SRRM3: variants seen among roughly 807,000 people sequenced by gnomAD.
SRRM3 encodes the protein serine/arginine repetitive matrix 3.
Under a neutral mutation model 66.2 loss-of-function variants are expected in SRRM3, and 27 were observed. That is an observed-to-expected ratio of 0.41 (90% confidence interval 0.30 to 0.56). The LOEUF (loss-of-function observed/expected upper bound fraction) is 0.56. SRRM3 is among the 20% of genes least tolerant of loss of function. The pLI is 0.32. For missense variants in SRRM3, 918 were observed against 991.9 expected (o/e 0.93, Z 1.00); for synonymous variants, 391 against 414.9 (o/e 0.94, Z 0.70).
chr7:76,285,853 G>C lies in SRRM3; in HGVS notation c.*10G>C, dbSNP rs782308815. 1.3e-6 allele frequency: 2 copies of C among 1,542,554 alleles called. No homozygotes were observed. The highest frequency in any genetic ancestry group is 2.4e-5 in the South Asian group (2 of 83,534). On this transcript the variant is annotated 3_prime_UTR_variant, in exon 15 of 15. Transcript: ENST00000611745. The surrounding 1 kb of genome is among the most constrained non-coding windows in gnomAD (Gnocchi z 4.1). ...GAGCGGGGGCTTCTGAGCCCAGACA[G>C]ACTCAGCTTGGTGCCCCCCTGGCAC...
chr7:76,248,512 C>T (rs1801496926), intron 3 of SRRM3, among the ~76,000 whole-genome samples: 2 of 152,180 alleles, frequency 1.3e-5, no homozygotes, highest in Admixed American at 1.3e-4. Flanking sequence ...TCCTCCTACC[C>T]TCCCTGGGTC....
At chr7:76,243,388 G>A (rs1267082498) in intron 2 of SRRM3, among the ~76,000 whole-genome samples, 1 of 152,108 alleles carries the variant, frequency 6.6e-6, no homozygotes, top group Non-Finnish European at 1.5e-5. Flanking sequence ...ATCACCAGGT[G>A]TCATCCTTGT....
chr7:76,220,113 G>C (rs1415087724), intron 1 of SRRM3, among the ~76,000 whole-genome samples: 8 of 152,172 alleles, frequency 5.3e-5, no homozygotes, highest in African/African-American at 1.9e-4. Context: ...AACACAGGCG[G>C]GGTCTCAGCA....
Position 76,262,197 on chromosome 7 carries a change from G to C in SRRM3, c.674+616G>C, listed in dbSNP as rs148821911. On this transcript the variant is annotated intron_variant, in intron 8 of 14. Transcript: ENST00000611745. Reference sequence around the variant, plus strand: ...AGGCAGAGTGGTGCAGGAGAAGAGGGTTGCTGAGAAAGCAGAAAACAGCCT... The same window carrying C: ...AGGCAGAGTGGTGCAGGAGAAGAGGCTTGCTGAGAAAGCAGAAAACAGCCT... Among the ~76,000 whole-genome samples, 65 of 152,104 alleles carry C rather than the reference G, an allele frequency of 4.3e-4. No homozygotes were observed. The East Asian group carries it at 0.011, about 25-fold the overall frequency.
chr7:76,281,810 T>C lies in SRRM3; in HGVS notation c.1370+8T>C. 7.4e-7 allele frequency: 1 copy of C among 1,358,966 alleles called. No individual in the cohort carries two copies. Among genetic ancestry groups the C allele is most frequent in the Non-Finnish European group, 9.5e-7 (1 of 1,055,508 alleles). 84.2% of individuals were successfully genotyped at this position (1,358,966 alleles called of 1,614,324 possible). On this transcript the variant is annotated splice_region_variant and intron_variant, in intron 12 of 14. Transcript: ENST00000611745. ...CGGCGGACACGGGAAACGGTGAGCG[T>C]GCTGGACCCGGAGCTGGACTCCCGC... is the stretch of plus-strand genomic sequence containing the variant.
chr7:76,261,614 G>A (rs1554608789), intron 8 of SRRM3, 33 bp downstream of exon 8: 1 of 1,601,228 alleles, frequency 6.2e-7, no homozygotes, highest in African/African-American at 1.3e-5. Context: ...CATGGTCAGT[G>A]GTCCCTTAAG....
At chr7:76,242,498 G>C (rs1257482488) in intron 2 of SRRM3, among the ~76,000 whole-genome samples, 1 of 147,144 alleles carries the variant, frequency 6.8e-6, no homozygotes, top group African/African-American at 2.6e-5. Flanking sequence ...AAAAAAAAAA[G>C]AAAATTTTTC....
chr7:76,264,382 TCTCAAA>T (rs145484476), intron 8 of SRRM3, among the ~76,000 whole-genome samples: 15,399 of 151,962 alleles, frequency 0.1, 951 homozygotes, highest in East Asian at 0.23. Context: ...GTCAGGCTGG[TCTCAAA>T]CTCCTGACTT....
intron 3 of SRRM3, among the ~76,000 whole-genome samples, chr7:76,248,501 C>T (rs1801496765): frequency 6.6e-6 from 1 of 152,118 alleles, no homozygotes; most frequent in African/African-American, 2.4e-5. Flanking sequence ...CACCAAGGGC[C>T]TCCTCCTACC....
At chr7:76,243,265 T>A (rs1563622047) in intron 2 of SRRM3, among the ~76,000 whole-genome samples, 1 of 152,136 alleles carries the variant, frequency 6.6e-6, no homozygotes, top group Non-Finnish European at 1.5e-5. Flanking sequence ...GCAGGACTGT[T>A]GGGCTCCTCT....
At chr7:76,213,849 A>T (rs1389391607) in intron 1 of SRRM3, among the ~76,000 whole-genome samples, 2 of 152,066 alleles carry the variant, frequency 1.3e-5, no homozygotes, top group African/African-American at 4.8e-5. Flanking sequence ...AGCTCACTGC[A>T]GCCTCGAACT....
At chr7:76,221,275 G>A (rs1465739527) in intron 1 of SRRM3, among the ~76,000 whole-genome samples, 3 of 150,592 alleles carry the variant, frequency 2.0e-5, no homozygotes, top group African/African-American at 2.4e-5. Flanking sequence ...GGCTGGTCTC[G>A]AACTCCTGAC....
At chr7:76,223,499 C>T (rs1302992650) in intron 1 of SRRM3, among the ~76,000 whole-genome samples, 1 of 152,196 alleles carries the variant, frequency 6.6e-6, no homozygotes, top group African/African-American at 2.4e-5. Context: ...TCTTTTCCAG[C>T]TTGATAAAGT....
rs544361948 is a variant in SRRM3, at chr7:76,209,693, C to T, written c.-40+7626C>T. Among the ~76,000 whole-genome samples the T allele has an allele frequency of 6.6e-5, 10 of 151,422 alleles. No individual in the cohort carries two copies. The South Asian group carries it at 2.1e-3, about 32-fold the overall frequency. ...GATCATAGCTCACTGCAGCCTCCAA[C>T]TCCTGGGCTCAAGATATTCTCTTGC... On this transcript the variant is annotated intron_variant, in intron 1 of 14. Transcript: ENST00000611745.
chr7:76,222,410 C>CA (rs572163883), intron 1 of SRRM3, among the ~76,000 whole-genome samples: 2,895 of 84,286 alleles, frequency 0.034, 32 homozygotes, highest in Non-Finnish European at 0.041. Flanking sequence ...GACCCCGTCT[C>CA]AAAAAAAAAA....
chr7:76,220,603 G>C (rs1800684694), intron 1 of SRRM3, among the ~76,000 whole-genome samples: 1 of 152,204 alleles, frequency 6.6e-6, no homozygotes, highest in Non-Finnish European at 1.5e-5. Flanking sequence ...AGCACAGACT[G>C]AGACGGCAGG....
Position 76,235,247 on chromosome 7 carries a change from C to T in SRRM3, c.181C>T (p.Arg61Trp). The T allele has an allele frequency of 6.5e-7, 1 of 1,546,188 alleles. No individual in the cohort carries two copies. ...HREILDHERKRRVELKCMELQ... is the reference protein window; with the variant it reads ...HREILDHERKWRVELKCMELQ... ...CGAGATCCTGGACCACGAGCGCAAG[C>T]GGCGGGTGGAGCTCAAGTGCATGGA... The change falls in exon 2 of 15, where the codon CGG becomes TGG. Residue 61 changes from arginine (R) to tryptophan (W), a missense_variant. Arg to Trp is a moderately radical substitution (Grantham distance 101, BLOSUM62 -3). Coordinates refer to ENST00000611745, the MANE Select transcript of SRRM3 (RefSeq NM_001110199.3).
rs1374388729 is a variant in SRRM3 at position 76,266,552 on chromosome 7, TTA to T, written c.831-705_831-704del. Among the ~76,000 whole-genome samples, 27 of 115,462 alleles carry T rather than the reference TTA, an allele frequency of 2.3e-4. No homozygotes were observed. In the Admixed American group the frequency reaches 3.1e-3, roughly 13 times the overall value. 75.7% of individuals were successfully genotyped at this position (115,462 alleles called of 152,430 possible). Reference sequence around the variant, plus strand: ...TATTTAATATATAAATATTTATATATTAAATATATAATATATAAACATTTATA... The same window carrying T: ...TATTTAATATATAAATATTTATATATAATATATAATATATAAACATTTATA... On this transcript the variant is annotated intron_variant, in intron 10 of 14. Transcript: ENST00000611745.
At chr7:76,203,085 T>A (rs1032094681) in intron 1 of SRRM3, among the ~76,000 whole-genome samples, 3 of 152,192 alleles carry the variant, frequency 2.0e-5, no homozygotes, top group Admixed American at 1.3e-4. Context: ...AGTTCCTCTG[T>A]CCAGGGAGCA....
Sources: gnomAD v4.1 joint callset for allele counts (sites outside exome capture counted in the v4.1 genomes callset) on GRCh38, gnomAD v4.1.1 for gene constraint, Gnocchi (gnomAD v3.1) non-coding constraint, MANE v1.5 for transcripts, NCBI Gene and HGNC (gene_info 2026-07-23, HGNC 2026-07-21) for gene names.